CAMKMT: variants seen among roughly 807,000 people sequenced by gnomAD.
CAMKMT encodes calmodulin-lysine N-methyltransferase.
CAMKMT carries 53 observed loss-of-function variants against 48.0 expected under a neutral mutation model. That is an observed-to-expected ratio of 1.10 (90% CI 0.89 to 1.39). CAMKMT has a LOEUF of 1.39. Among genes scored for constraint, CAMKMT ranks in the 40% most tolerant of loss-of-function variants. CAMKMT has a pLI of 0.00. For synonymous variants in CAMKMT, 165 were observed against 152.3 expected (o/e 1.08, Z -0.61); for missense variants, 428 against 402.7 (o/e 1.06, Z -0.54).
At chr2:44,413,299 G>A (rs1683333490) in intron 3 of CAMKMT, among the ~76,000 whole-genome samples, 1 of 151,838 alleles carries the variant, frequency 6.6e-6, no homozygotes, top group South Asian at 2.1e-4. Flanking sequence ...AATGAAAGAG[G>A]CAGGTAGATA....
intron 3 of CAMKMT, among the ~76,000 whole-genome samples, chr2:44,435,312 T>C (rs1421865320): frequency 6.6e-6 from 1 of 152,154 alleles, no homozygotes; most frequent in Non-Finnish European, 1.5e-5. Flanking sequence ...CCTCAGATCA[T>C]TGTGGATTAT....
chr2:44,758,576 A>T (rs1680477807), intron 9 of CAMKMT, among the ~76,000 whole-genome samples: 2 of 152,232 alleles, frequency 1.3e-5, no homozygotes, highest in South Asian at 4.1e-4. Context: ...CAAACTTAAT[A>T]GATGAAAACA....
intron 7 of CAMKMT, among the ~76,000 whole-genome samples, chr2:44,729,748 T>C (rs1471466015): frequency 6.6e-6 from 1 of 151,570 alleles, no homozygotes; most frequent in Non-Finnish European, 1.5e-5. Context: ...AAGAAAGAAG[T>C]GGAGACAAGA....
intron 9 of CAMKMT, among the ~76,000 whole-genome samples, chr2:44,761,411 G>T (rs1371305488): frequency 6.6e-6 from 1 of 152,228 alleles, no homozygotes; most frequent in African/African-American, 2.4e-5. Context: ...GGCTTTGCCT[G>T]CCATACCAAG....
At position 44,447,954 on chromosome 2, in the gene CAMKMT, A is replaced by G. The variant is rs528699827; in HGVS notation, c.376+57649A>G. On this transcript the variant is annotated intron_variant, in intron 3 of 10. Coordinates refer to ENST00000378494, the MANE Select transcript of CAMKMT (RefSeq NM_024766.5). ...AATGTATTCTTATAAAATGCATTCT[A>G]TTGTTTGGGATATGTATTTTAAATT... Among the ~76,000 whole-genome samples the G allele has an allele frequency of 3.3e-5, 5 of 152,262 alleles. 1 individual carries two copies. The East Asian group carries it at 9.7e-4, about 29-fold the overall frequency.
At chr2:44,659,972 T>C (rs996639630) in intron 3 of CAMKMT, among the ~76,000 whole-genome samples, 1 of 152,204 alleles carries the variant, frequency 6.6e-6, no homozygotes, top group African/African-American at 2.4e-5. Context: ...CAAAGAACTT[T>C]TGTTTATATG....
chr2:44,548,680 A>G (rs1667537545), intron 3 of CAMKMT, among the ~76,000 whole-genome samples: 2 of 152,208 alleles, frequency 1.3e-5, no homozygotes, highest in Admixed American at 1.3e-4. Context: ...GAGACGAAGC[A>G]GGAGAAGGAT....
chr2:44,737,439 T>C (rs1679414806), intron 7 of CAMKMT, among the ~76,000 whole-genome samples: 1 of 152,208 alleles, frequency 6.6e-6, no homozygotes, highest in African/African-American at 2.4e-5. Context: ...GTTTGATATG[T>C]TTGGGTCTTG....
intron 3 of CAMKMT, among the ~76,000 whole-genome samples, chr2:44,642,685 G>A (rs1055176162): frequency 6.6e-6 from 1 of 152,018 alleles, no homozygotes; most frequent in Admixed American, 6.6e-5. Context: ...TGGCAAGCCT[G>A]GTGAACATGT....
intron 3 of CAMKMT, among the ~76,000 whole-genome samples, chr2:44,541,399 CTT>C (rs1425927282): frequency 1.3e-5 from 2 of 152,088 alleles, no homozygotes; most frequent in Non-Finnish European, 2.9e-5. Flanking sequence ...ATTTTCCTCA[CTT>C]AGGTTTTGCC....
chr2:44,368,351 C>A (rs973109883), intron 1 of CAMKMT, among the ~76,000 whole-genome samples: 2 of 152,080 alleles, frequency 1.3e-5, no homozygotes, highest in African/African-American at 4.8e-5. Context: ...TTATTGATGG[C>A]CTTAAAATAA....
At chr2:44,537,483 A>C (rs142383061) in intron 3 of CAMKMT, among the ~76,000 whole-genome samples, 105 of 152,328 alleles carry the variant, frequency 6.9e-4, no homozygotes, top group African/African-American at 2.4e-3. Context: ...GTTGTATCTT[A>C]CGTCAGTTAG....
chr2:44,542,536 C>T (rs1667185575), intron 3 of CAMKMT, among the ~76,000 whole-genome samples: 2 of 56,472 alleles, frequency 3.5e-5, no homozygotes, highest in East Asian at 3.0e-4. Flanking sequence ...CACACACACA[C>T]ACTCTCTCTC....
chr2:44,647,173 G>A (rs113391936), intron 3 of CAMKMT, among the ~76,000 whole-genome samples: 4 of 152,178 alleles, frequency 2.6e-5, no homozygotes, highest in African/African-American at 9.6e-5. Context: ...CTCCCCAGTG[G>A]CAGCAATTGT....
chr2:44,441,803 A>G (rs921583272), intron 3 of CAMKMT, among the ~76,000 whole-genome samples: 2 of 152,216 alleles, frequency 1.3e-5, no homozygotes, highest in African/African-American at 4.8e-5. Context: ...TTTAATATTT[A>G]TAAGGAACCA....
chr2:44,668,009 C>T (rs1675100595), intron 3 of CAMKMT, among the ~76,000 whole-genome samples: 4 of 152,192 alleles, frequency 2.6e-5, no homozygotes, highest in Admixed American at 2.6e-4. Flanking sequence ...GAGCCTGTCC[C>T]TGAGCAGCTG....
intron 3 of CAMKMT, among the ~76,000 whole-genome samples, chr2:44,538,810 G>T (rs1325524137): frequency 6.6e-6 from 1 of 151,870 alleles, no homozygotes; most frequent in African/African-American, 2.4e-5. Context: ...TCAAACCCAA[G>T]GAAAAGTTGC....
At chr2:44,416,720 G>A (rs1683580023) in intron 3 of CAMKMT, among the ~76,000 whole-genome samples, 1 of 151,366 alleles carries the variant, frequency 6.6e-6, no homozygotes, top group Middle Eastern at 3.4e-3. Context: ...GATTACAGGT[G>A]CCCACAACCA....
At chr2:44,744,226 T>C (rs916345883) in intron 8 of CAMKMT, among the ~76,000 whole-genome samples, 2 of 152,220 alleles carry the variant, frequency 1.3e-5, no homozygotes, top group African/African-American at 4.8e-5. Flanking sequence ...TATTCAATTA[T>C]AATAGTTAAT....
Sources: allele counts gnomAD v4.1 joint callset (sites outside exome capture counted in the v4.1 genomes callset), GRCh38; gene constraint gnomAD v4.1.1; transcripts MANE v1.5; gene names NCBI Gene and HGNC (gene_info 2026-07-23, HGNC 2026-07-21).